TXLNB: variants seen among roughly 807,000 people sequenced by gnomAD.
TXLNB encodes the protein beta-taxilin.
A neutral mutation model predicts 57.4 loss-of-function variants in TXLNB; 37 were observed. That is an observed-to-expected ratio of 0.64 (90% CI 0.50 to 0.85). The LOEUF (loss-of-function observed/expected upper bound fraction) is 0.85. TXLNB is among the 40% of genes least tolerant of loss of function. The pLI, the probability that TXLNB is intolerant of heterozygous loss-of-function variation, is 0.00. For synonymous variants in TXLNB, 302 were observed against 309.6 expected, an observed-to-expected ratio of 0.98 and a Z score of 0.26; for missense variants, 848 against 825.6, an observed-to-expected ratio of 1.03 and a Z score of -0.33.
the TXLNB span, among the ~76,000 whole-genome samples, chr6:139,314,439 GTATGACC>G: frequency 6.6e-6 from 1 of 152,308 alleles, no homozygotes; most frequent in South Asian, 2.1e-4. Flanking sequence ...TTGAATGCAT[GTATGACC>G]TATAAGCTCC....
At chr6:139,282,492 G>A (rs986544429) in intron 2 of TXLNB, among the ~76,000 whole-genome samples, 9 of 145,114 alleles carry the variant, frequency 6.2e-5, no homozygotes, top group African/African-American at 2.3e-4. Flanking sequence ...CAGTAGAATC[G>A]CTTGAACCTG....
chr6:139,217,639 AG>A, the TXLNB span, among the ~76,000 whole-genome samples: 2 of 151,968 alleles, frequency 1.3e-5, no homozygotes, highest in East Asian at 3.9e-4. Flanking sequence ...GAGGCCAAGG[AG>A]GGCAGATCAC....
At chr6:139,273,248 T>A (rs1395570487) in intron 3 of TXLNB, among the ~76,000 whole-genome samples, 4 of 152,164 alleles carry the variant, frequency 2.6e-5, no homozygotes, top group Non-Finnish European at 4.4e-5. Flanking sequence ...ACCTGCTATA[T>A]GCCAGTAGCA....
the TXLNB span, among the ~76,000 whole-genome samples, chr6:139,313,438 G>GA: frequency 1.4e-4 from 21 of 145,968 alleles, no homozygotes; most frequent in Admixed American, 2.0e-4. Flanking sequence ...ATGGCAGGAA[G>GA]AAAAAAAAAA....
chr6:139,265,603 AG>A (rs1284395231), intron 4 of TXLNB, among the ~76,000 whole-genome samples: 1 of 152,236 alleles, frequency 6.6e-6, no homozygotes, highest in East Asian at 1.9e-4. Flanking sequence ...GGTACACTTA[AG>A]GTGTTTCACT....
intron 2 of TXLNB, among the ~76,000 whole-genome samples, chr6:139,278,308 CT>C (rs1190144767): frequency 6.6e-6 from 1 of 151,504 alleles, no homozygotes; most frequent in Non-Finnish European, 1.5e-5. Context: ...TAGAAGGCAA[CT>C]TTTTTTTTAA....
intron 4 of TXLNB, among the ~76,000 whole-genome samples, chr6:139,267,585 G>T (rs949438326): frequency 2.0e-5 from 3 of 152,072 alleles, no homozygotes; most frequent in African/African-American, 7.2e-5. Flanking sequence ...ACAAAGCAGA[G>T]GTGACAAATA....
chr6:139,234,636 A>C, the TXLNB span: 2 of 152,316 alleles, frequency 1.3e-5, no homozygotes, highest in African/African-American at 4.8e-5. Flanking sequence ...AAAGGATATA[A>C]GGAAATGCCT....
chr6:139,187,310 G>A, the TXLNB span, among the ~76,000 whole-genome samples: 2 of 152,124 alleles, frequency 1.3e-5, no homozygotes, highest in South Asian at 4.1e-4. Flanking sequence ...ATGATGCACT[G>A]TAAGAATGCT....
the TXLNB span, among the ~76,000 whole-genome samples, chr6:139,317,645 C>A: frequency 1.3e-5 from 2 of 152,080 alleles, no homozygotes; most frequent in African/African-American, 4.8e-5. Flanking sequence ...CCCGCCTCGG[C>A]CTCCCAAAGT....
chr6:139,186,138 C>G, the TXLNB span, among the ~76,000 whole-genome samples: 1 of 152,024 alleles, frequency 6.6e-6, no homozygotes, highest in East Asian at 1.9e-4. Context: ...TATCCATATG[C>G]AAAAATATAT....
At chr6:139,264,436 C>T (rs1042923878) in intron 4 of TXLNB, among the ~76,000 whole-genome samples, 1 of 151,630 alleles carries the variant, frequency 6.6e-6, no homozygotes, top group Non-Finnish European at 1.5e-5. Flanking sequence ...TGGGAACTGG[C>T]TATAGAAAGA....
chr6:139,276,914 T>A lies in TXLNB; in HGVS notation c.432A>T (p.Glu144Asp), dbSNP rs1234482263. 6.4e-7 allele frequency: 1 copy of A among 1,556,494 alleles called. No individual in the cohort carries two copies. The highest frequency in any genetic ancestry group is 8.6e-7 in the Non-Finnish European group (1 of 1,168,264). The change falls in exon 3 of 10, where the codon GAA (glutamate) becomes GAT (aspartate). Residue 144 changes from glutamate to aspartate, a missense_variant. Coordinates refer to ENST00000358430, the MANE Select transcript of TXLNB (RefSeq NM_153235.4). ...EKKILKGLGK[E>D]ANLLMQNLNK... is the part of the protein sequence containing the mutation. ...TCAGATTTTGCATTAGCAGGTTGGC[T>A]TCTTTGCCTTAAAAAAAAAAGACAT...
the TXLNB span, among the ~76,000 whole-genome samples, chr6:139,302,223 C>T: frequency 6.7e-6 from 1 of 148,268 alleles, no homozygotes; most frequent in African/African-American, 2.5e-5. Flanking sequence ...GATTTTTAAG[C>T]GTAAGAAGAG....
the TXLNB span, among the ~76,000 whole-genome samples, chr6:139,316,781 A>G: frequency 6.6e-6 from 1 of 152,240 alleles, no homozygotes; most frequent in African/African-American, 2.4e-5. Flanking sequence ...AAATGCATTG[A>G]GGTAAACCTC....
At chr6:139,194,622 G>C in the TXLNB span, among the ~76,000 whole-genome samples, 1 of 152,120 alleles carries the variant, frequency 6.6e-6, no homozygotes, top group African/African-American at 2.4e-5. Context: ...TGCTTGATAC[G>C]AGTCATTGTC....
chr6:139,253,825 G>T (rs1396462130), intron 7 of TXLNB, among the ~76,000 whole-genome samples: 1 of 152,200 alleles, frequency 6.6e-6, no homozygotes. Context: ...GCATGGAGGA[G>T]TAGAGATTGC....
chr6:139,169,225 TA>T, the TXLNB span, among the ~76,000 whole-genome samples: 5 of 152,034 alleles, frequency 3.3e-5, no homozygotes, highest in African/African-American at 1.2e-4. Context: ...TTAGACCCCT[TA>T]GATTATTTTT....
chr6:139,302,609 CAAAAA>C, the TXLNB span, among the ~76,000 whole-genome samples: 1 of 118,128 alleles, frequency 8.5e-6, no homozygotes, highest in Non-Finnish European at 1.8e-5. Context: ...ACTAAAAATA[CAAAAA>C]AAAAAAAAAA....
Sources: gnomAD v4.1 joint callset for allele counts (sites outside exome capture counted in the v4.1 genomes callset) on GRCh38, gnomAD v4.1.1 for gene constraint, MANE v1.5 for transcripts, NCBI Gene and HGNC (gene_info 2026-07-23, HGNC 2026-07-21) for gene names.